Variants in ATRNL1 observed in about 807,000 individuals in gnomAD.
ATRNL1 encodes attractin-like protein 1.
In ATRNL1, 95 loss-of-function variants were observed where a neutral mutation model predicts 182.7. That is an observed-to-expected ratio of 0.52 (90% confidence interval 0.44 to 0.62). ATRNL1 has a LOEUF of 0.62. ATRNL1 is among the 20% of genes least tolerant of loss of function. ATRNL1 has a pLI of 0.00. For synonymous variants in ATRNL1, 576 were observed against 568.3 expected (o/e 1.01, Z -0.19); for missense variants, 1,471 against 1,679.5 (o/e 0.88, Z 2.17).
intron 21 of ATRNL1, among the ~76,000 whole-genome samples, chr10:115,453,382 A>T (rs1847369080): frequency 6.6e-6 from 1 of 151,986 alleles, no homozygotes; most frequent in Non-Finnish European, 1.5e-5. Context: ...TGGGTTGTTT[A>T]CCTGATATAT....
intron 26 of ATRNL1, among the ~76,000 whole-genome samples, chr10:115,619,471 A>G (rs181396079): frequency 2.1e-5 from 3 of 140,712 alleles, no homozygotes; most frequent in African/African-American, 2.6e-5. Context: ...TGATTGTGTC[A>G]GGGGTGGGTG....
intron 28 of ATRNL1, among the ~76,000 whole-genome samples, chr10:115,852,916 C>T (rs1441169030): frequency 6.6e-6 from 1 of 152,170 alleles, no homozygotes; most frequent in South Asian, 2.1e-4. Flanking sequence ...CCCGTGAACT[C>T]ATAGGAAAAG....
intron 28 of ATRNL1, among the ~76,000 whole-genome samples, chr10:115,869,905 A>G (rs1455346602): frequency 7.1e-6 from 1 of 140,210 alleles, no homozygotes; most frequent in Admixed American, 7.1e-5. Flanking sequence ...CTTTTTATGG[A>G]TGTATCATAA....
intron 26 of ATRNL1, among the ~76,000 whole-genome samples, chr10:115,639,148 C>A (rs1156341153): frequency 6.6e-6 from 1 of 152,062 alleles, no homozygotes; most frequent in Admixed American, 6.6e-5. Context: ...ATCTTAAAAG[C>A]AACCAGAAAC....
intron 6 of ATRNL1, among the ~76,000 whole-genome samples, chr10:115,163,554 G>A (rs563172610): frequency 2.6e-5 from 4 of 151,694 alleles, no homozygotes; most frequent in Admixed American, 1.3e-4. Flanking sequence ...TTGTAGAGGC[G>A]GGGTCTCCCT....
At chr10:115,464,374 T>C (rs1847953336) in intron 22 of ATRNL1, among the ~76,000 whole-genome samples, 1 of 152,012 alleles carries the variant, frequency 6.6e-6, no homozygotes, top group African/African-American at 2.4e-5. Context: ...ATCCATCACT[T>C]CTAGCCAGTG....
chr10:115,223,913 G>GTGTATA (rs71476115), intron 9 of ATRNL1, among the ~76,000 whole-genome samples: 39 of 55,930 alleles, frequency 7.0e-4, no homozygotes, highest in African/African-American at 2.2e-3. Flanking sequence ...GTGTGTGTGT[G>GTGTATA]TATATATATA....
chr10:115,754,397 C>A (rs1948529765), intron 27 of ATRNL1, among the ~76,000 whole-genome samples: 1 of 152,124 alleles, frequency 6.6e-6, no homozygotes, highest in Admixed American at 6.5e-5. Context: ...ATATGGCCAG[C>A]CAGTTTTCCT....
intron 24 of ATRNL1, among the ~76,000 whole-genome samples, chr10:115,484,964 C>T (rs1322444104): frequency 6.6e-6 from 1 of 151,744 alleles, no homozygotes; most frequent in Admixed American, 6.6e-5. Flanking sequence ...AAGGAGTTGG[C>T]AAGAATCACT....
At chr10:115,232,384 C>G (rs1451351877) in intron 9 of ATRNL1, among the ~76,000 whole-genome samples, 1 of 151,992 alleles carries the variant, frequency 6.6e-6, no homozygotes, top group Non-Finnish European at 1.5e-5. Flanking sequence ...ATTTATTGGC[C>G]AAACAGCTAC....
chr10:115,116,477 G>A (rs914623928), intron 1 of ATRNL1, among the ~76,000 whole-genome samples: 1 of 151,978 alleles, frequency 6.6e-6, no homozygotes, highest in Non-Finnish European at 1.5e-5. Context: ...GGTGTTTATG[G>A]TTAGAGTATG....
At chr10:115,586,400 G>A (rs1404750232) in intron 26 of ATRNL1, among the ~76,000 whole-genome samples, 5 of 106,276 alleles carry the variant, frequency 4.7e-5, no homozygotes, top group Non-Finnish European at 1.0e-4. Flanking sequence ...CCAATCAGAC[G>A]TGGATTTGGT....
chr10:115,352,396 T>G (rs908124518), intron 19 of ATRNL1, among the ~76,000 whole-genome samples: 2 of 152,148 alleles, frequency 1.3e-5, no homozygotes, highest in Non-Finnish European at 2.9e-5. Flanking sequence ...CACTATTAAG[T>G]GTTCTTATTT....
chr10:115,569,912 G>C (rs1305228060), intron 26 of ATRNL1, among the ~76,000 whole-genome samples: 3 of 152,082 alleles, frequency 2.0e-5, no homozygotes, highest in African/African-American at 4.8e-5. Context: ...CTAGGCATCA[G>C]CAGATTTGGT....
At chr10:115,798,455 G>A (rs1949711964) in intron 27 of ATRNL1, among the ~76,000 whole-genome samples, 2 of 152,170 alleles carry the variant, frequency 1.3e-5, no homozygotes, top group Admixed American at 1.3e-4. Context: ...CTGACTGTGT[G>A]TTCTTACTCA....
intron 19 of ATRNL1, among the ~76,000 whole-genome samples, chr10:115,348,259 C>T (rs1393310208): frequency 6.6e-6 from 1 of 152,176 alleles, no homozygotes; most frequent in Admixed American, 6.5e-5. Flanking sequence ...AGGCATGAGG[C>T]ACCGCGCCTG....
At chr10:115,911,814 A>G (rs1198104775) in intron 28 of ATRNL1, among the ~76,000 whole-genome samples, 1 of 152,146 alleles carries the variant, frequency 6.6e-6, no homozygotes, top group Non-Finnish European at 1.5e-5. Flanking sequence ...ATGCTGATAA[A>G]TGAACTCCAC....
At chr10:115,241,517 A>G in intron 9 of ATRNL1, 54 bp from the exon 10 acceptor site, 1 of 1,303,264 alleles carries the variant, frequency 7.7e-7, no homozygotes, top group South Asian at 1.4e-5. Flanking sequence ...ACATATATAA[A>G]ATCAGGGAGG....
intron 8 of ATRNL1, among the ~76,000 whole-genome samples, chr10:115,197,782 T>C (rs1162115340): frequency 1.3e-5 from 2 of 152,150 alleles, no homozygotes; most frequent in Admixed American, 6.6e-5. Context: ...TATTTTCTAT[T>C]TGCATTTGGT....
Sources: allele counts gnomAD v4.1 joint callset (sites outside exome capture counted in the v4.1 genomes callset), GRCh38; gene constraint gnomAD v4.1.1; transcripts MANE v1.5; gene names NCBI Gene and HGNC (gene_info 2026-07-23, HGNC 2026-07-21).